FLG: variants seen among roughly 807,000 people sequenced by gnomAD.
FLG encodes the protein epidermal filaggrin.
In FLG, 6 loss-of-function variants were observed where a neutral mutation model predicts 3.8. The observed-to-expected ratio is 1.60, with a 90% CI of 0.87 to 3.15. The LOEUF (loss-of-function observed/expected upper bound fraction) is 3.15. Ranked by LOEUF, FLG falls within the 30% of genes most tolerant of loss-of-function variation. The pLI, the probability that FLG is intolerant of heterozygous loss-of-function variation, is 0.00. For missense variants in FLG, 7,595 were observed against 5,050.9 expected (o/e 1.50, Z -15.27); for synonymous variants, 2,551 against 1,931.6 (o/e 1.32, Z -8.41).
rs761046630 is a variant in FLG at position 152,310,553 on chromosome 1, C to T, written c.4333G>A (p.Val1445Met). Reference protein sequence around the residue: ...SGRSRSFLYQVSSHEQSESTH... With the variant: ...SGRSRSFLYQMSSHEQSESTH... ...GACTCAGACTGTTCATGAGAGCTCA[C>T]CTGGTAGAGGAAAGACCTTGAACGT... Residue 1445 changes from valine to methionine, a missense_variant, in exon 3 of 3, where the codon GTG becomes ATG. Val to Met is a conservative substitution (Grantham distance 21). Coordinates refer to ENST00000368799, the MANE Select transcript of FLG (RefSeq NM_002016.2). 1.2e-6 allele frequency: 2 copies of T among 1,613,756 alleles called. No homozygotes were observed. Among genetic ancestry groups the T allele is most frequent in the South Asian group, 1.1e-5 (1 of 91,054 alleles).
In FLG at chr1:152,312,528, C is replaced by G. The variant is rs776468837; in HGVS notation, c.2358G>C (p.Arg786Ser). ...AGAGGAAAGACCCTGAACGTCGAGACCTTTCCCCTGACCGGTCACGTGCGG... is the reference window on the plus strand; with the variant it reads ...AGAGGAAAGACCCTGAACGTCGAGAGCTTTCCCCTGACCGGTCACGTGCGG... ...QESARDRSGE[R>S]SRRSGSFLYQ... The change falls in exon 3 of 3, where the codon AGG becomes AGC. Residue 786 changes from arginine to serine, a missense_variant. Arg to Ser is a moderately radical substitution (Grantham distance 110, BLOSUM62 -1). Transcript: ENST00000368799. The G allele has an allele frequency of 1.2e-6, 2 of 1,613,502 alleles. No individual in the cohort carries two copies. Among genetic ancestry groups the G allele is most frequent in the Non-Finnish European group, 1.7e-6 (2 of 1,179,936 alleles).
Position 152,311,784 on chromosome 1 carries a change from T to A in FLG, c.3102A>T (p.Gly1034=), listed in dbSNP as rs1437394718. Reference sequence around the variant, plus strand: ...TGTCTGCTGACTGCTGGTGGCGGGATCCGTGTCTTTCTCCTGGACTTGATC... The same window carrying A: ...TGTCTGCTGACTGCTGGTGGCGGGAACCGTGTCTTTCTCCTGGACTTGATC... ...QARSSPGERH[G]SRHQQSADSS... is the part of the protein sequence containing the mutation. The change falls in exon 3 of 3, where the codon GGA becomes GGT. Residue 1034 remains glycine (G), a synonymous_variant. Coordinates refer to ENST00000368799, the MANE Select transcript of FLG (RefSeq NM_002016.2). 1 of 1,614,114 alleles carries A rather than the reference T, an allele frequency of 6.2e-7. No individual in the cohort carries two copies. The highest frequency in any genetic ancestry group is 8.5e-7 in the Non-Finnish European group (1 of 1,180,008).
In FLG at chr1:152,311,138, A is replaced by T. The variant is rs201769717; in HGVS notation, c.3748T>A (p.Ser1250Thr). 6 of 1,613,392 alleles carry T rather than the reference A, an allele frequency of 3.7e-6. No homozygotes were observed. In the South Asian group the frequency reaches 4.4e-5, roughly 12 times the overall value. ...AASWADSSRHSQVGQEQSSGS... is the reference protein window; with the variant it reads ...AASWADSSRHTQVGQEQSSGS... The stretch of plus-strand genomic sequence containing the variant: ...GATGATTGTTCCTGTCCCACCTGTG[A>T]GTGTCTAGAGCTGTCAGCCCAAGAG... The change falls in exon 3 of 3, where the codon TCA (serine) becomes ACA (threonine). Residue 1250 changes from serine (S) to threonine (T), a missense_variant. Transcript: ENST00000368799.
intron 1 of FLG, among the ~76,000 whole-genome samples, chr1:152,323,691 T>A (rs972358146): frequency 1.3e-5 from 2 of 151,210 alleles, no homozygotes; most frequent in Non-Finnish European, 3.0e-5. Flanking sequence ...TTTTTTTTTT[T>A]ATGTACTGCT....
chr1:152,310,784 A>G lies in FLG; in HGVS notation c.4102T>C (p.Ser1368Pro). The change falls in exon 3 of 3, where the codon TCC becomes CCC. Residue 1368 changes from serine to proline, a missense_variant. Coordinates refer to ENST00000368799, the MANE Select transcript of FLG (RefSeq NM_002016.2). ...CTGTGCCCAATGCCTGAGTGTCTGG[A>G]GCTGTCTGCTGACTGCTGGTGGCGG... ...GSRHQQSADS[S>P]RHSGIGHRQA... The G allele has an allele frequency of 1.2e-6, 2 of 1,611,724 alleles. No individual in the cohort carries two copies. Among genetic ancestry groups the G allele is most frequent in the East Asian group, 2.2e-5 (1 of 44,506 alleles).
rs1038544353 is a variant in FLG at position 152,310,783 on chromosome 1, G to A, written c.4103C>T (p.Ser1368Phe). The part of the protein sequence containing the change: ...GSRHQQSADS[S>F]RHSGIGHRQA... ...TCTGTGCCCAATGCCTGAGTGTCTG[G>A]AGCTGTCTGCTGACTGCTGGTGGCG... is the stretch of plus-strand genomic sequence containing the variant. Residue 1368 changes from serine (S) to phenylalanine (F), a missense_variant, in exon 3 of 3, where the codon TCC becomes TTC. By Grantham distance (155) the Ser-to-Phe change is radical. Transcript: ENST00000368799. 1 of 1,611,942 alleles carries A rather than the reference G, an allele frequency of 6.2e-7. No individual in the cohort carries two copies. The highest frequency in any genetic ancestry group is 1.3e-5 in the African/African-American group (1 of 74,970).
chr1:152,302,314 T>TCAGA lies in FLG; in HGVS notation c.*385_*386insTCTG. 4.2e-6 allele frequency: 1 copy of TCAGA among 237,722 alleles called. No individual in the cohort carries two copies. Among genetic ancestry groups the TCAGA allele is most frequent in the Non-Finnish European group, 8.2e-6 (1 of 122,072 alleles). 14.7% of individuals were successfully genotyped at this position (237,722 alleles called of 1,614,324 possible). A position where few individuals can be genotyped will look rare whatever the true frequency, so the allele number is the denominator to read the frequency against. On this transcript the variant is annotated 3_prime_UTR_variant, in exon 3 of 3. Coordinates refer to ENST00000368799, the MANE Select transcript of FLG (RefSeq NM_002016.2). ...TAGCCCTGATGTTGATATAGCCACT[T>TCAGA]TGGTATACAGAACTGTTTTATATTT...
chr1:152,319,836 A>C (rs914654679), intron 1 of FLG, among the ~76,000 whole-genome samples: 1 of 151,468 alleles, frequency 6.6e-6, no homozygotes, highest in African/African-American at 2.4e-5. Context: ...TTCTAGTTGG[A>C]AGCACAGAGG....
rs1652421026 is a variant in FLG, at chr1:152,311,457, T to A, written c.3429A>T (p.Gly1143=). The change falls in exon 3 of 3, where the codon GGA becomes GGT. Residue 1143 remains glycine, a synonymous_variant. Transcript: ENST00000368799. ...TGTCTCGTGCCTGCTCGTGGTGGGA[T>A]CCTTGTCTTCGTCCAGTGCTGGTCC... ...RTRTSTGRRQ[G]SHHEQARDSS... 1 of 1,613,774 alleles carries A rather than the reference T, an allele frequency of 6.2e-7. No individual in the cohort carries two copies. Among genetic ancestry groups the A allele is most frequent in the African/African-American group, 1.3e-5 (1 of 74,858 alleles).
rs560192097 is a variant in FLG, at chr1:152,313,642, C to T, written c.1244G>A (p.Arg415Gln). Residue 415 changes from arginine (R) to glutamine (Q), a missense_variant, in exon 3 of 3, where the codon CGG becomes CAG. Arg to Gln is a conservative substitution (Grantham distance 43). Coordinates refer to ENST00000368799, the MANE Select transcript of FLG (RefSeq NM_002016.2). ...ACTGGCCTGACTACCGCTAGACCCC[C>T]GGTGTCCACGATCGCTGACTGCAGA... ...ASSAVSDRGH[R>Q]GSSGSQASDS... The T allele has an allele frequency of 5.8e-5, 94 of 1,614,048 alleles. No individual in the cohort carries two copies. Among genetic ancestry groups the T allele is most frequent in the Middle Eastern group, 5.0e-4 (3 of 6,060 alleles).
rs542864777 is a variant in FLG, at chr1:152,304,141, T to C, written c.10745A>G (p.His3582Arg). ...GTGCCCGTGACCGGCTCTGTCTTCGTGATGGGACGTGGGGTGTCTGGAGCC... is the reference window on the plus strand; with the variant it reads ...GTGCCCGTGACCGGCTCTGTCTTCGCGATGGGACGTGGGGTGTCTGGAGCC... ...RDGSRHPTSH[H>R]EDRAGHGHSA... The change falls in exon 3 of 3, where the codon CAC becomes CGC. Residue 3582 changes from histidine to arginine, a missense_variant. Coordinates refer to ENST00000368799, the MANE Select transcript of FLG (RefSeq NM_002016.2). 6.3e-7 allele frequency: 1 copy of C among 1,599,194 alleles called. No individual in the cohort carries two copies. The highest frequency in any genetic ancestry group is 1.4e-5 in the African/African-American group (1 of 71,958).
rs768202093 is a variant in FLG, at chr1:152,313,786, C to G, written c.1100G>C (p.Gly367Ala). The change falls in exon 3 of 3, where the codon GGA (glycine) becomes GCA (alanine). Residue 367 changes from glycine (G) to alanine (A), a missense_variant. Physicochemically the swap from Gly to Ala is moderately conservative, Grantham distance 60. Transcript: ENST00000368799. ...GTRHAETSSRGQTASSHEQAR... is the reference protein window; with the variant it reads ...GTRHAETSSRAQTASSHEQAR... ...CTGTTCATGGGATGATGCAGTCTGT[C>G]CACGAGAGGAAGTCTCTGCGTGACG... 87 of 1,613,964 alleles carry G rather than the reference C, an allele frequency of 5.4e-5. No homozygotes were observed. Among genetic ancestry groups the G allele is most frequent in the Non-Finnish European group, 6.9e-5 (81 of 1,180,016 alleles).
intron 1 of FLG, among the ~76,000 whole-genome samples, chr1:152,317,223 C>A (rs1245777869): frequency 2.6e-5 from 4 of 151,982 alleles, no homozygotes; most frequent in Non-Finnish European, 4.4e-5. Context: ...AAATATCTAT[C>A]TAACACTTAC....
chr1:152,313,392 C>T lies in FLG; in HGVS notation c.1494G>A (p.Glu498=), dbSNP rs13376095. ...STGGRQGSHH[E]QARDSSRHSA... is the part of the protein sequence containing the mutation. ...AATGCCTGGAGCTGTCTCGTGCCTG[C>T]TCGTGGTGCGATCCTTGTCTTCCTC... The change falls in exon 3 of 3, where the codon GAG becomes GAA. Residue 498 remains glutamate, a synonymous_variant. Transcript: ENST00000368799. 6.2e-6 allele frequency: 10 copies of T among 1,613,770 alleles called. No individual in the cohort carries two copies. In the Admixed American group the frequency reaches 1.0e-4, roughly 16 times the overall value.
At position 152,309,252 on chromosome 1, in the gene FLG, G is replaced by T. The variant is rs762859112; in HGVS notation, c.5634C>A (p.Ser1878=). ...CATGGTGACGCGACCCTGAGTGCCT[G>T]GAGCCGTCTCCTGATTGTTTCTCAT... ...TRNEKQSGDG[S]RHSGSRHHEA... The change falls in exon 3 of 3, where the codon TCC becomes TCA. Residue 1878 remains serine (S), a synonymous_variant. Transcript: ENST00000368799. The T allele has an allele frequency of 1.2e-6, 2 of 1,613,650 alleles. No individual in the cohort carries two copies. Among genetic ancestry groups the T allele is most frequent in the Non-Finnish European group, 1.7e-6 (2 of 1,179,968 alleles).
rs767261854 is a variant in FLG at position 152,307,322 on chromosome 1, G to T, written c.7564C>A (p.Gln2522Lys). Reference protein sequence around the residue: ...SASRQTRNDEQSGDGSRHSGS... With the variant: ...SASRQTRNDEKSGDGSRHSGS... ...GAGTGCCTGGAGCCGTCTCCTGATT[G>T]TTCATCGTTACGAGTTTGTCTGCTT... The change falls in exon 3 of 3, where the codon CAA (glutamine) becomes AAA (lysine). Residue 2522 changes from glutamine (Q) to lysine (K), a missense_variant. Physicochemically the swap from Gln to Lys is moderately conservative, Grantham distance 53. Coordinates refer to ENST00000368799, the MANE Select transcript of FLG (RefSeq NM_002016.2). 3.1e-6 allele frequency: 5 copies of T among 1,613,588 alleles called. No individual in the cohort carries two copies. The highest frequency in any genetic ancestry group is 1.6e-4 in the Middle Eastern group (1 of 6,062).
In FLG at chr1:152,313,900, G is replaced by A. The variant is rs560338320; in HGVS notation, c.986C>T (p.Ser329Leu). The A allele has an allele frequency of 9.9e-6, 16 of 1,613,936 alleles. No individual in the cohort carries two copies. The South Asian group carries it at 1.5e-4, about 16-fold the overall frequency. The change falls in exon 3 of 3, where the codon TCA becomes TTA. Residue 329 changes from serine (S) to leucine (L), a missense_variant. Ser to Leu is a moderately radical substitution (Grantham distance 145, BLOSUM62 -2). Coordinates refer to ENST00000368799, the MANE Select transcript of FLG (RefSeq NM_002016.2). The part of the protein sequence containing the change: ...RNHHGSAWEQ[S>L]RDGSRHPRSH... ...CCTGGGGTGTCTGGAGCCATCTCTT[G>A]ACTGCTCCCACGCAGATCCATGATG...
chr1:152,312,682 C>G lies in FLG; in HGVS notation c.2204G>C (p.Arg735Thr). 1 of 1,614,052 alleles carries G rather than the reference C, an allele frequency of 6.2e-7. No homozygotes were observed. The highest frequency in any genetic ancestry group is 8.5e-7 in the Non-Finnish European group (1 of 1,180,018). The stretch of plus-strand genomic sequence containing the variant: ...ACTGGACCCTCGGTGTCCACTGTCT[C>G]TGACTGCAGATGAAGCTTGTCCGTG... ...TGHGQASSAVRDSGHRGSSGS... is the reference protein window; with the variant it reads ...TGHGQASSAVTDSGHRGSSGS... The change falls in exon 3 of 3, where the codon AGA (arginine) becomes ACA (threonine). Residue 735 changes from arginine to threonine, a missense_variant. Arg to Thr is a moderately conservative substitution (Grantham distance 71). Coordinates refer to ENST00000368799, the MANE Select transcript of FLG (RefSeq NM_002016.2).
At position 152,311,199 on chromosome 1, in the gene FLG, G is replaced by A; in HGVS notation, c.3687C>T (p.Gly1229=). 2 of 1,613,800 alleles carry A rather than the reference G, an allele frequency of 1.2e-6. No homozygotes were observed. Among genetic ancestry groups the A allele is most frequent in the East Asian group, 2.2e-5 (1 of 44,800 alleles). ...GGTGACGTGACCCTGAGTGCCTGGAGCCGTCTCCTGATTGTTTGTCCTTAC... is the reference window on the plus strand; with the variant it reads ...GGTGACGTGACCCTGAGTGCCTGGAACCGTCTCCTGATTGTTTGTCCTTAC... ...QTRKDKQSGD[G]SRHSGSRHHE... The change falls in exon 3 of 3, where the codon GGC becomes GGT. Residue 1229 remains glycine (G), a synonymous_variant. Transcript: ENST00000368799.
Sources: allele counts gnomAD v4.1 joint callset (sites outside exome capture counted in the v4.1 genomes callset), GRCh38; gene constraint gnomAD v4.1.1; transcripts MANE v1.5; gene names NCBI Gene and HGNC (gene_info 2026-07-23, HGNC 2026-07-21).